CCSER1: variants seen among roughly 807,000 people sequenced by gnomAD.
CCSER1 encodes coiled-coil serine rich protein 1.
A neutral mutation model predicts 82.0 loss-of-function variants in CCSER1; 41 were observed. The ratio of observed to expected loss-of-function variants is 0.50; its 90% CI spans 0.39 to 0.65. The LOEUF is 0.65. Among genes scored for constraint, CCSER1 ranks in the 30% least tolerant of loss-of-function variants. The pLI is 0.00. For synonymous variants in CCSER1, 414 were observed against 383.9 expected, an observed-to-expected ratio of 1.08 and a Z score of -0.92; for missense variants, 1,119 against 1,064.2, an observed-to-expected ratio of 1.05 and a Z score of -0.72.
At chr4:90,697,647 A>T (rs1737221502) in intron 6 of CCSER1, among the ~76,000 whole-genome samples, 1 of 152,142 alleles carries the variant, frequency 6.6e-6, no homozygotes, top group Non-Finnish European at 1.5e-5. Context: ...AAAAGATATG[A>T]CCAAGTCCAA....
chr4:91,281,173 C>T (rs2149202588), intron 10 of CCSER1, among the ~76,000 whole-genome samples: 1 of 152,322 alleles, frequency 6.6e-6, no homozygotes, highest in East Asian at 1.9e-4. Flanking sequence ...GTTGAGCTGG[C>T]TGCCTCACAT....
chr4:91,403,807 T>C (rs1752502186), intron 10 of CCSER1, among the ~76,000 whole-genome samples: 1 of 152,186 alleles, frequency 6.6e-6, no homozygotes, highest in Non-Finnish European at 1.5e-5. Context: ...CAGTATTTTA[T>C]TGAGGATTTT....
At chr4:91,416,417 A>G (rs1176197533) in intron 10 of CCSER1, among the ~76,000 whole-genome samples, 3 of 152,184 alleles carry the variant, frequency 2.0e-5, no homozygotes, top group Non-Finnish European at 4.4e-5. Flanking sequence ...AAGCAAAAAG[A>G]ACAAAACTGG....
intron 4 of CCSER1, among the ~76,000 whole-genome samples, chr4:90,440,365 A>G (rs1167678432): frequency 6.6e-6 from 1 of 152,228 alleles, no homozygotes; most frequent in Non-Finnish European, 1.5e-5. Context: ...TAAATAAAAG[A>G]CAAAGAGAGA....
intron 1 of CCSER1, among the ~76,000 whole-genome samples, chr4:90,159,423 C>G (rs1202429899): frequency 6.6e-6 from 1 of 152,114 alleles, no homozygotes; most frequent in Non-Finnish European, 1.5e-5. Flanking sequence ...ATGGTGAGGT[C>G]ATATTCTGAC....
intron 1 of CCSER1, among the ~76,000 whole-genome samples, chr4:90,226,173 A>T (rs974101881): frequency 2.6e-5 from 4 of 152,224 alleles, no homozygotes; most frequent in African/African-American, 9.6e-5. Context: ...GTGTGCAGAA[A>T]ACTGCTTCTG....
chr4:90,670,801 A>T (rs1514736), intron 6 of CCSER1, among the ~76,000 whole-genome samples: 69,569 of 151,434 alleles, frequency 0.46, 16,379 homozygotes, highest in Middle Eastern at 0.58. Flanking sequence ...TAATATATTT[A>T]AAAAAAATAC....
chr4:90,409,241 C>G (rs572008243), intron 4 of CCSER1, among the ~76,000 whole-genome samples: 1 of 152,186 alleles, frequency 6.6e-6, no homozygotes, highest in African/African-American at 2.4e-5. Flanking sequence ...CCCAATCTAG[C>G]AAGGCAGGCC....
chr4:90,634,780 T>C (rs1306594428), intron 6 of CCSER1, among the ~76,000 whole-genome samples: 2 of 151,914 alleles, frequency 1.3e-5, no homozygotes, highest in South Asian at 2.1e-4. Context: ...ATTCTCTTTA[T>C]ACTTATCATT....
intron 10 of CCSER1, among the ~76,000 whole-genome samples, chr4:91,581,109 G>T (rs2110312734): frequency 6.6e-6 from 1 of 151,666 alleles, no homozygotes; most frequent in East Asian, 1.9e-4. Flanking sequence ...TGTATAAAAA[G>T]AAAATAGAAA....
intron 9 of CCSER1, among the ~76,000 whole-genome samples, chr4:90,941,570 C>T (rs1203995611): frequency 6.6e-6 from 1 of 151,888 alleles, no homozygotes; most frequent in African/African-American, 2.4e-5. Flanking sequence ...TAGAAATGTC[C>T]AAATTAACAA....
chr4:90,841,360 C>T (rs926088302), intron 8 of CCSER1, among the ~76,000 whole-genome samples: 1 of 151,864 alleles, frequency 6.6e-6, no homozygotes, highest in Non-Finnish European at 1.5e-5. Flanking sequence ...GGGTAGATCA[C>T]GAGGTGAGGA....
At chr4:90,873,035 T>C (rs1454300091) in intron 8 of CCSER1, among the ~76,000 whole-genome samples, 1 of 152,036 alleles carries the variant, frequency 6.6e-6, no homozygotes, top group Non-Finnish European at 1.5e-5. Flanking sequence ...AGTTTGATTA[T>C]TAAATATCTT....
rs1452164571 is a variant in CCSER1, at chr4:90,312,917, T to G, written c.1379T>G (p.Leu460Arg). Residue 460 changes from leucine to arginine, a missense_variant, in exon 3 of 11, where the codon CTG (leucine) becomes CGG (arginine). Leu to Arg is a moderately radical substitution (Grantham distance 102, BLOSUM62 -2). Coordinates refer to ENST00000509176, the MANE Select transcript of CCSER1 (RefSeq NM_001145065.2). ...GAAGGAAGATTTATAGAGAGGAGACTGCGATCCTCGTCAGAAGGCACTGCA... is the reference window on the plus strand; with the variant it reads ...GAAGGAAGATTTATAGAGAGGAGACGGCGATCCTCGTCAGAAGGCACTGCA... ...FREGRFIERR[L>R]RSSSEGTAGS... 4 of 1,585,648 alleles carry G rather than the reference T, an allele frequency of 2.5e-6. No homozygotes were observed. Among genetic ancestry groups the G allele is most frequent in the Non-Finnish European group, 3.4e-6 (4 of 1,164,582 alleles).
chr4:91,264,276 T>C (rs1037261133), intron 10 of CCSER1, among the ~76,000 whole-genome samples: 3 of 151,774 alleles, frequency 2.0e-5, no homozygotes, highest in African/African-American at 7.3e-5. Flanking sequence ...AATTTTATCA[T>C]TTTAATGGAT....
chr4:91,072,642 A>T lies in CCSER1; in HGVS notation c.2173-13308A>T, dbSNP rs1240049649. On this transcript the variant is annotated intron_variant, in intron 9 of 10. Coordinates refer to ENST00000509176, the MANE Select transcript of CCSER1 (RefSeq NM_001145065.2). ...AGTATTAGTTACTTTTGGAGGTAGT[A>T]TGTGTAATAGTTCCAAAAGTAGCTC... Among the ~76,000 whole-genome samples, 5 of 152,208 alleles carry T rather than the reference A, an allele frequency of 3.3e-5. No individual in the cohort carries two copies. In the South Asian group the frequency reaches 1.0e-3, roughly 32 times the overall value.
At chr4:90,684,791 A>G (rs1734508928) in intron 6 of CCSER1, among the ~76,000 whole-genome samples, 1 of 152,066 alleles carries the variant, frequency 6.6e-6, no homozygotes, top group Non-Finnish European at 1.5e-5. Context: ...GATAGTGAGT[A>G]AGTTTCACAA....
intron 5 of CCSER1, among the ~76,000 whole-genome samples, chr4:90,478,987 C>A (rs1765501898): frequency 6.6e-6 from 1 of 152,072 alleles, no homozygotes; most frequent in African/African-American, 2.4e-5. Flanking sequence ...GATCTGCCTG[C>A]CTCAGCCTCC....
intron 5 of CCSER1, among the ~76,000 whole-genome samples, chr4:90,573,694 A>C (rs1423262317): frequency 6.6e-6 from 1 of 152,092 alleles, no homozygotes. Context: ...GGAGGGTCCT[A>C]CTTCACCCCT....
Sources: allele counts gnomAD v4.1 joint callset (sites outside exome capture counted in the v4.1 genomes callset), GRCh38; gene constraint gnomAD v4.1.1; transcripts MANE v1.5; gene names NCBI Gene and HGNC (gene_info 2026-07-23, HGNC 2026-07-21).